CSMD1: variants seen among roughly 807,000 people sequenced by gnomAD.
CSMD1 encodes CUB and sushi domain-containing protein 1.
CSMD1 carries 213 observed loss-of-function variants against 417.5 expected under a neutral mutation model. The observed-to-expected ratio is 0.51, with a 90% CI of 0.46 to 0.57. CSMD1 has a LOEUF of 0.57. CSMD1 is among the 20% of genes least tolerant of loss of function. CSMD1 has a pLI of 0.00. For synonymous variants in CSMD1, 2,862 were observed against 1,736.8 expected (o/e 1.65, Z -16.11); for missense variants, 6,923 against 4,529.7 (o/e 1.53, Z -15.17).
chr8:3,293,318 C>T (rs1158709013), intron 25 of CSMD1, among the ~76,000 whole-genome samples: 2 of 152,048 alleles, frequency 1.3e-5, no homozygotes, highest in Non-Finnish European at 2.9e-5. Context: ...AGTTGCTCTT[C>T]TCGAGGAGTA....
intron 12 of CSMD1, among the ~76,000 whole-genome samples, chr8:3,462,159 C>T (rs578092826): frequency 1.3e-5 from 2 of 151,996 alleles, no homozygotes; most frequent in Non-Finnish European, 2.9e-5. Flanking sequence ...GGGACCCACA[C>T]TGCATTTCTT....
intron 1 of CSMD1, among the ~76,000 whole-genome samples, chr8:4,682,793 C>A (rs1806130649): frequency 6.6e-6 from 1 of 151,200 alleles, no homozygotes; most frequent in South Asian, 2.1e-4. Flanking sequence ...TACGAAGCAA[C>A]ATTATATATA....
chr8:4,615,316 C>A (rs1801413358), intron 2 of CSMD1, among the ~76,000 whole-genome samples: 1 of 152,078 alleles, frequency 6.6e-6, no homozygotes, highest in Admixed American at 6.5e-5. Flanking sequence ...AGTATCTTCC[C>A]CCAAACCCAG....
intron 8 of CSMD1, among the ~76,000 whole-genome samples, chr8:3,610,885 C>G (rs905506117): frequency 6.6e-5 from 10 of 151,844 alleles, no homozygotes; most frequent in South Asian, 2.1e-4. Context: ...GTTGCCTTTT[C>G]CATTGACAGT....
intron 2 of CSMD1, among the ~76,000 whole-genome samples, chr8:4,437,458 A>G (rs1052650373): frequency 6.6e-6 from 1 of 152,200 alleles, no homozygotes; most frequent in South Asian, 2.1e-4. Context: ...ACATTCACCA[A>G]AAGTTAATTA....
At chr8:3,793,594 C>T (rs571769082) in intron 5 of CSMD1, among the ~76,000 whole-genome samples, 3 of 152,082 alleles carry the variant, frequency 2.0e-5, no homozygotes, top group Non-Finnish European at 4.4e-5. Context: ...ATACATGCCT[C>T]TCTTGCAGTA....
At chr8:3,102,410 G>A (rs758774094) in intron 46 of CSMD1, among the ~76,000 whole-genome samples, 1 of 152,134 alleles carries the variant, frequency 6.6e-6, no homozygotes, top group Non-Finnish European at 1.5e-5. Context: ...TATCCTGTTC[G>A]CCTCCTGAGG....
chr8:3,533,569 AC>A (rs1307482100), intron 10 of CSMD1, among the ~76,000 whole-genome samples: 4 of 152,172 alleles, frequency 2.6e-5, no homozygotes, highest in Non-Finnish European at 5.9e-5. Flanking sequence ...AGGTTCACAC[AC>A]TGCTGTTGAA....
At chr8:4,013,471 C>T (rs961231991) in intron 4 of CSMD1, among the ~76,000 whole-genome samples, 10 of 152,142 alleles carry the variant, frequency 6.6e-5, no homozygotes, top group Admixed American at 5.9e-4. Context: ...GACATGGGAT[C>T]TTAGGTGATA....
intron 3 of CSMD1, among the ~76,000 whole-genome samples, chr8:4,089,739 C>A (rs897173498): frequency 6.6e-6 from 1 of 152,108 alleles, no homozygotes; most frequent in Non-Finnish European, 1.5e-5. Context: ...ATTATTGACA[C>A]AACATCATTC....
At chr8:3,205,037 C>T (rs1055018762) in intron 31 of CSMD1, among the ~76,000 whole-genome samples, 2 of 152,158 alleles carry the variant, frequency 1.3e-5, no homozygotes, top group African/African-American at 4.8e-5. Context: ...AGTCAAGACT[C>T]TGCCTGCTTC....
At chr8:3,232,186 A>C (rs965563001) in intron 26 of CSMD1, among the ~76,000 whole-genome samples, 1 of 152,282 alleles carries the variant, frequency 6.6e-6, no homozygotes, top group East Asian at 1.9e-4. Flanking sequence ...TATGTTTATC[A>C]TTCCCTTGCT....
intron 23 of CSMD1, among the ~76,000 whole-genome samples, chr8:3,338,933 C>T (rs1164027194): frequency 1.3e-5 from 2 of 151,408 alleles, no homozygotes; most frequent in African/African-American, 4.9e-5. Flanking sequence ...GCGCTGCACC[C>T]ACTAACTCGT....
At chr8:4,066,628 A>G (rs897736383) in intron 3 of CSMD1, among the ~76,000 whole-genome samples, 1 of 152,236 alleles carries the variant, frequency 6.6e-6, no homozygotes, top group Non-Finnish European at 1.5e-5. Flanking sequence ...ATTACTAACC[A>G]CTAACAGCTC....
chr8:3,776,433 T>C lies in CSMD1; in HGVS notation c.819-22391A>G, dbSNP rs535362841. On this transcript the variant is annotated intron_variant, in intron 5 of 69. Transcript: ENST00000635120. ...ACACCTTCTCACTCCTGTCCTTCTC[T>C]AATCTCCTGTCTGGCCACATTCTAC... is the stretch of plus-strand genomic sequence containing the variant. 5.8e-4 allele frequency among the ~76,000 whole-genome samples: 88 copies of C among 152,308 alleles called. No homozygotes were observed. In the South Asian group the frequency reaches 0.013, roughly 23 times the overall value.
chr8:4,472,076 C>T (rs1240316396), intron 2 of CSMD1, among the ~76,000 whole-genome samples: 3 of 152,112 alleles, frequency 2.0e-5, no homozygotes, highest in South Asian at 4.1e-4. Flanking sequence ...GAAACTTGTT[C>T]GACACAGTCA....
intron 3 of CSMD1, among the ~76,000 whole-genome samples, chr8:4,194,425 A>C (rs929629882): frequency 2.0e-5 from 3 of 152,180 alleles, no homozygotes; most frequent in African/African-American, 7.2e-5. Flanking sequence ...CTTGTAAAAT[A>C]TCTAACAATA....
intron 3 of CSMD1, among the ~76,000 whole-genome samples, chr8:4,398,628 C>G (rs1804433135): frequency 1.3e-5 from 2 of 152,158 alleles, no homozygotes; most frequent in South Asian, 4.1e-4. Context: ...ATCTCCTGAC[C>G]TCCTGATCTG....
At chr8:4,993,861 C>A (rs1193222797) in intron 1 of CSMD1, among the ~76,000 whole-genome samples, 3 of 152,018 alleles carry the variant, frequency 2.0e-5, no homozygotes, top group Non-Finnish European at 4.4e-5. Flanking sequence ...CCTATTGGTA[C>A]CAAAACCCCC....
Sources: gnomAD v4.1 joint callset for allele counts (sites outside exome capture counted in the v4.1 genomes callset) on GRCh38, gnomAD v4.1.1 for gene constraint, MANE v1.5 for transcripts, NCBI Gene and HGNC (gene_info 2026-07-23, HGNC 2026-07-21) for gene names.